The following TULP4 variants were observed in gnomAD, a reference collection of about 807,000 sequenced individuals.
TULP4 encodes tubby-related protein 4.
A neutral mutation model predicts 129.0 loss-of-function variants in TULP4; 16 were observed. That is an observed-to-expected ratio of 0.12 (90% CI 0.08 to 0.19). The LOEUF is 0.19. Among genes scored for constraint, TULP4 ranks in the 10% least tolerant of loss-of-function variants. The pLI is 1.00. For synonymous variants in TULP4, 998 were observed against 854.0 expected (o/e 1.17, Z -2.94); for missense variants, 1,842 against 2,059.1 (o/e 0.89, Z 2.04).
At chr6:158,237,951 C>A (rs1330690667) in intron 1 of TULP4, 4 of 726,620 alleles carry the variant, frequency 5.5e-6, no homozygotes. Flanking sequence ...TTGCCTCCTC[C>A]CGCCCATATT....
At chr6:158,280,662 G>A (rs544705990), upstream of TULP4, among the ~76,000 whole-genome samples, 2 of 152,260 alleles carry the variant, frequency 1.3e-5, no homozygotes, top group African/African-American at 4.8e-5. Context: ...AGTGGTGATA[G>A]TTGGGTGATT....
At position 158,503,321 on chromosome 6, in the gene TULP4, C is replaced by A; in HGVS notation, c.3658C>A (p.Gln1220Lys). The change falls in exon 13 of 14, where the codon CAA (glutamine) becomes AAA (lysine). Residue 1220 changes from glutamine (Q) to lysine (K), a missense_variant. Physicochemically the swap from Gln to Lys is moderately conservative, Grantham distance 53 (BLOSUM62 1). Around this residue, in one of 5 missense-constraint regions of TULP4, gnomAD observed 1,089 missense variants for 987.1 expected, o/e 1.10. Transcript: ENST00000367097. The surrounding 1 kb of genome is among the most constrained non-coding windows in gnomAD (Gnocchi z 4.3). ...TGCCCTGTCCCCAACGCAGTTTGCA[C>A]AACAGGAGCCTGCTGTGGTCCTTCA... ...KDALSPTQFA[Q>K]QEPAVVLQPL... 6.2e-7 allele frequency: 1 copy of A among 1,613,814 alleles called. No homozygotes were observed. Among genetic ancestry groups the A allele is most frequent in the Non-Finnish European group, 8.5e-7 (1 of 1,179,946 alleles).
rs1325780523 is a variant in TULP4 at position 158,493,520 on chromosome 6, T to C, written c.1632-53T>C. ...GAAAGGACTGCTGGAGTCAGGGCCA[T>C]GCTCACCATTCCCGCCACGGATGCC... On this transcript the variant is annotated intron_variant, in intron 9 of 13. Transcript: ENST00000367097. The surrounding 1 kb of genome is among the most constrained non-coding windows in gnomAD (Gnocchi z 4.4). 39 of 1,425,424 alleles carry C rather than the reference T, an allele frequency of 2.7e-5. No homozygotes were observed. Among genetic ancestry groups the C allele is most frequent in the South Asian group, 3.2e-5 (2 of 62,068 alleles). The allele number at this position is 1,425,424 out of a possible 1,614,324, so 88.3% of individuals were successfully genotyped here. A position where few individuals can be genotyped will look rare whatever the true frequency, so the allele number is the denominator to read the frequency against.
Position 158,461,670 on chromosome 6 carries a change from A to G in TULP4, c.967A>G (p.Met323Val). 1 of 1,614,128 alleles carries G rather than the reference A, an allele frequency of 6.2e-7. No individual in the cohort carries two copies. The highest frequency in any genetic ancestry group is 8.5e-7 in the Non-Finnish European group (1 of 1,180,020). ...LPNGPLLKSAMVKFYNVRGEH... is the reference protein window; with the variant it reads ...LPNGPLLKSAVVKFYNVRGEH... ...CAATGGTCCCCTTCTGAAGAGTGCC[A>G]TGGTCAAGTTCTACAATGTTCGTGG... Residue 323 changes from methionine (M) to valine (V), a missense_variant, in exon 6 of 14, where the codon ATG becomes GTG. This residue lies in a region of TULP4 where 456 missense variants were observed against 534.3 expected (regional missense o/e 0.85). Coordinates refer to ENST00000367097, the MANE Select transcript of TULP4 (RefSeq NM_020245.5).
At chr6:158,232,760 G>A (rs547296061) in intron 1 of TULP4, among the ~76,000 whole-genome samples, 1 of 152,186 alleles carries the variant, frequency 6.6e-6, no homozygotes, top group African/African-American at 2.4e-5. Flanking sequence ...CGTCGGGCCC[G>A]AGCGGCTTCC....
At chr6:158,470,396 T>G (rs1408120134) in intron 6 of TULP4, among the ~76,000 whole-genome samples, 1 of 152,258 alleles carries the variant, frequency 6.6e-6, no homozygotes, top group Non-Finnish European at 1.5e-5. Context: ...GGGTTGCCGT[T>G]GCCGGCTTGA....
intron 1 of TULP4, among the ~76,000 whole-genome samples, chr6:158,247,776 T>C (rs1190399741): frequency 6.6e-6 from 1 of 152,242 alleles, no homozygotes; most frequent in East Asian, 1.9e-4. Context: ...TACGAACAGC[T>C]ATGGCAAAAT....
At chr6:158,429,690 T>G in intron 2 of TULP4, 46 bp from the exon 3 acceptor site, 1 of 1,583,858 alleles carries the variant, frequency 6.3e-7, no homozygotes, top group Non-Finnish European at 8.6e-7. Context: ...TAAAATGTTT[T>G]CCTTTTCAGA....
rs115050903 is a variant in TULP4 at position 158,435,076 on chromosome 6, C to T, written c.543+5179C>T. On this transcript the variant is annotated intron_variant, in intron 3 of 13. Coordinates refer to ENST00000367097, the MANE Select transcript of TULP4 (RefSeq NM_020245.5). ...TTGTCCCTGTGTCATCTCTGATACCCCATCTCCAGAGAGCTCCTGCAGTGA... is the reference window on the plus strand; with the variant it reads ...TTGTCCCTGTGTCATCTCTGATACCTCATCTCCAGAGAGCTCCTGCAGTGA... Among the ~76,000 whole-genome samples, 793 of 152,304 alleles carry T rather than the reference C, an allele frequency of 5.2e-3. 11 individuals are homozygous for T. The highest frequency in any genetic ancestry group is 0.018 in the African/African-American group (755 of 41,554).
chr6:158,348,994 G>A (rs1420796128), intron 1 of TULP4, among the ~76,000 whole-genome samples: 3 of 137,528 alleles, frequency 2.2e-5, no homozygotes, highest in African/African-American at 5.6e-5. Flanking sequence ...TGGGGCAGCC[G>A]GGCAGAGGCG....
At chr6:158,373,371 C>T (rs1185804832) in intron 1 of TULP4, among the ~76,000 whole-genome samples, 2 of 152,196 alleles carry the variant, frequency 1.3e-5, no homozygotes, top group African/African-American at 4.8e-5. Flanking sequence ...CACCTCTTGT[C>T]CTGTCTCCTT....
chr6:158,237,424 G>A lies in TULP4; in HGVS notation n.68+5121G>A, dbSNP rs113303755. On this transcript the variant is annotated intron_variant and non_coding_transcript_variant, in intron 1 of 1. Transcript: ENST00000620026. ...CCCTGCAGGTCTCTGGTGTCTTGGGGGTATGATGTTACTTGTAGAGGCAGA... is the reference window on the plus strand; with the variant it reads ...CCCTGCAGGTCTCTGGTGTCTTGGGAGTATGATGTTACTTGTAGAGGCAGA... 3.0e-3 allele frequency: 4,714 copies of A among 1,594,084 alleles called. 131 individuals are homozygous for A. In the African/African-American group the frequency reaches 0.056, roughly 19 times the overall value.
intron 6 of TULP4, among the ~76,000 whole-genome samples, chr6:158,474,594 T>C (rs1779772899): frequency 6.6e-6 from 1 of 152,196 alleles, no homozygotes; most frequent in Non-Finnish European, 1.5e-5. Flanking sequence ...TTGCTGTTGC[T>C]CTGGCTCTCG....
chr6:158,290,112 T>C (rs1239538940), intron 1 of TULP4, among the ~76,000 whole-genome samples: 1 of 151,992 alleles, frequency 6.6e-6, no homozygotes, highest in Non-Finnish European at 1.5e-5. Flanking sequence ...ATTTTAAAAT[T>C]TTTTGTAGAA....
At chr6:158,445,106 G>A (rs2115117473) in intron 3 of TULP4, among the ~76,000 whole-genome samples, 1 of 152,268 alleles carries the variant, frequency 6.6e-6, no homozygotes, top group South Asian at 2.1e-4. Flanking sequence ...GAGCCGTGGT[G>A]CCTGGCCGTG....
chr6:158,278,484 C>T (rs532054415), upstream of TULP4, among the ~76,000 whole-genome samples: 12 of 151,404 alleles, frequency 7.9e-5, no homozygotes, highest in African/African-American at 2.9e-4. Flanking sequence ...TCTGTATGCT[C>T]ATGTTGATTA....
chr6:158,339,439 C>T (rs915020706), intron 1 of TULP4, among the ~76,000 whole-genome samples: 10 of 152,144 alleles, frequency 6.6e-5, no homozygotes, highest in Non-Finnish European at 1.5e-4. Context: ...ACCGGTCTGA[C>T]TAGAATTCGC....
chr6:158,498,803 G>T lies in TULP4; in HGVS notation c.2005G>T (p.Asp669Tyr). ...NPNVFSEDEDDLPVTGASGVP... is the reference protein window; with the variant it reads ...NPNVFSEDEDYLPVTGASGVP... ...AAATGTTTTCAGTGAAGATGAAGAT[G>T]ATTTACCAGGTGTGTTCACATACAT... is the stretch of plus-strand genomic sequence containing the variant. Residue 669 changes from aspartate (D) to tyrosine (Y), a missense_variant, in exon 12 of 14, where the codon GAT (aspartate) becomes TAT (tyrosine). Physicochemically the swap from Asp to Tyr is radical, Grantham distance 160. Around this residue, in one of 5 missense-constraint regions of TULP4, gnomAD observed 99 missense variants for 165.1 expected, o/e 0.60. Transcript: ENST00000367097. The T allele has an allele frequency of 6.2e-7, 1 of 1,614,168 alleles. No homozygotes were observed. Among genetic ancestry groups the T allele is most frequent in the Non-Finnish European group, 8.5e-7 (1 of 1,180,024 alleles).
chr6:158,252,239 C>T (rs1389665870), intron 1 of TULP4, among the ~76,000 whole-genome samples: 2 of 151,206 alleles, frequency 1.3e-5, no homozygotes, highest in Non-Finnish European at 2.9e-5. Context: ...AAAGTTTATT[C>T]TGTGTAGTCA....
Sources: gnomAD v4.1 joint callset for allele counts (sites outside exome capture counted in the v4.1 genomes callset) on GRCh38, gnomAD v4.1.1 for gene constraint, gnomAD v4.1.1 regional missense constraint, Gnocchi (gnomAD v3.1) non-coding constraint, MANE v1.5 for transcripts, NCBI Gene and HGNC (gene_info 2026-07-23, HGNC 2026-07-21) for gene names.